Variants in IL10RB observed in about 807,000 individuals in gnomAD.
IL10RB encodes interleukin 10 receptor subunit beta.
In IL10RB, 30 loss-of-function variants were observed where a neutral mutation model predicts 38.7. The observed-to-expected ratio is 0.78, with a 90% CI of 0.58 to 1.05. The LOEUF is 1.05. Ranked by LOEUF, IL10RB falls within the 50% of genes least tolerant of loss-of-function variation. The probability of loss-of-function intolerance (pLI) is 0.00; values close to 1 mark genes in which losing one functional copy is unlikely to be tolerated. For synonymous variants in IL10RB, 142 were observed against 145.9 expected, an observed-to-expected ratio of 0.97 and a Z score of 0.19; for missense variants, 328 against 397.1, an observed-to-expected ratio of 0.83 and a Z score of 1.48.
intron 4 of IL10RB, among the ~76,000 whole-genome samples, chr21:33,282,325 G>T (rs1369155155): frequency 6.6e-6 from 1 of 152,064 alleles, no homozygotes; most frequent in Non-Finnish European, 1.5e-5. Context: ...CTGAGGTCAG[G>T]AGTTCAAGAC....
intron 2 of IL10RB, among the ~76,000 whole-genome samples, chr21:33,272,157 T>G (rs1989094121): frequency 6.6e-6 from 1 of 152,208 alleles, no homozygotes. Context: ...ATGATCTCTA[T>G]CTACTTTTTG....
chr21:33,275,216 C>T (rs531244091), intron 2 of IL10RB, among the ~76,000 whole-genome samples: 1 of 140,378 alleles, frequency 7.1e-6, no homozygotes, highest in Admixed American at 7.6e-5. Context: ...AATACAGTGA[C>T]ACAATCTCGG....
chr21:33,307,781 G>T (rs1219994984), intron 1 of IL10RB, among the ~76,000 whole-genome samples: 2 of 151,974 alleles, frequency 1.3e-5, no homozygotes, highest in Non-Finnish European at 2.9e-5. Flanking sequence ...TTTCTTCATA[G>T]TATGTAGCAT....
intron 1 of IL10RB, among the ~76,000 whole-genome samples, chr21:33,304,982 C>T (rs547277012): frequency 2.0e-5 from 3 of 152,290 alleles, no homozygotes; most frequent in African/African-American, 7.2e-5. Flanking sequence ...AGCCAATAAC[C>T]TCCACAGTTC....
At chr21:33,283,452 C>T (rs1226781259) in intron 5 of IL10RB, among the ~76,000 whole-genome samples, 1 of 152,198 alleles carries the variant, frequency 6.6e-6, no homozygotes, top group Non-Finnish European at 1.5e-5. Flanking sequence ...AAAGGAGTTG[C>T]TAGAAACCTT....
intron 1 of IL10RB, 63 bp downstream of exon 1, chr21:33,266,577 T>A: frequency 2.7e-6 from 4 of 1,484,218 alleles, no homozygotes; most frequent in Non-Finnish European, 3.6e-6. Context: ...ATGCCGCCCC[T>A]GATCCCATCC....
At chr21:33,283,410 C>T (rs1989315979) in intron 5 of IL10RB, among the ~76,000 whole-genome samples, 169 bp downstream of exon 5, 1 of 152,198 alleles carries the variant, frequency 6.6e-6, no homozygotes, top group African/African-American at 2.4e-5. Context: ...AGACCACACC[C>T]GCTTCTGAGG....
chr21:33,292,098 A>G (rs966586845), intron 6 of IL10RB, among the ~76,000 whole-genome samples: 1 of 151,398 alleles, frequency 6.6e-6, no homozygotes, highest in African/African-American at 2.4e-5. Flanking sequence ...CGCTCCAGCT[A>G]CTCCCTCAGG....
chr21:33,266,454 C>T lies in IL10RB; in HGVS notation c.-12C>T, dbSNP rs751359412. 8.5e-5 allele frequency: 131 copies of T among 1,541,312 alleles called. No homozygotes were observed. In the African/African-American group the frequency reaches 1.7e-3, roughly 19 times the overall value. On this transcript the variant is annotated 5_prime_UTR_variant, in exon 1 of 7. Transcript: ENST00000290200. The stretch of plus-strand genomic sequence containing the variant: ...TGCTTGGAGGAAGCCGCGGAACCCC[C>T]AGCGTCCGTCCATGGCGTGGAGCCT...
intron 5 of IL10RB, among the ~76,000 whole-genome samples, chr21:33,284,986 G>C (rs1418381731): frequency 6.6e-6 from 1 of 152,152 alleles, no homozygotes; most frequent in Non-Finnish European, 1.5e-5. Flanking sequence ...CGCCTCCTGG[G>C]TTCAAGCAAT....
At chr21:33,277,668 C>CTTTTTTTTTTTTTTTTTTT (rs1216043179) in intron 3 of IL10RB, among the ~76,000 whole-genome samples, 3 of 92,980 alleles carry the variant, frequency 3.2e-5, no homozygotes, top group African/African-American at 4.3e-5. Flanking sequence ...TTCTTTCTTT[C>CTTTTTTTTTTTTTTTTTTT]TTTTTTTTTT....
intron 3 of IL10RB, among the ~76,000 whole-genome samples, chr21:33,278,034 C>CA (rs1485238569): frequency 5.6e-4 from 28 of 50,160 alleles, no homozygotes; most frequent in South Asian, 1.9e-3. Context: ...CTACAAAAAA[C>CA]AAAAAAAATA....
downstream of IL10RB, among the ~76,000 whole-genome samples, chr21:33,300,587 G>A (rs1487317050): frequency 6.6e-6 from 1 of 152,124 alleles, no homozygotes; most frequent in Non-Finnish European, 1.5e-5. Context: ...CAAAGTGAAA[G>A]AAAACAGTTA....
intron 2 of IL10RB, 49 bp from the exon 3 acceptor site, chr21:33,276,547 A>C: frequency 6.6e-7 from 1 of 1,509,340 alleles, no homozygotes; most frequent in African/African-American, 1.4e-5. Context: ...AGCCTCAGGG[A>C]GACTGAAGCC....
At position 33,268,418 on chromosome 21, in the gene IL10RB, A is replaced by G; in HGVS notation, c.74A>G (p.Glu25Gly). 6.2e-7 allele frequency: 1 copy of G among 1,614,098 alleles called. No homozygotes were observed. Among genetic ancestry groups the G allele is most frequent in the Non-Finnish European group, 8.5e-7 (1 of 1,179,884 alleles). ...VSALGMVPPPENVRMNSVNFK... is the reference protein window; with the variant it reads ...VSALGMVPPPGNVRMNSVNFK... ...GCATTGGGAATGGTACCACCTCCCG[A>G]AAATGTCAGAATGAATTCTGTTAAT... Residue 25 changes from glutamate to glycine, a missense_variant, in exon 2 of 7, where the codon GAA (glutamate) becomes GGA (glycine). By Grantham distance (98) the Glu-to-Gly change is moderately conservative. Transcript: ENST00000290200.
intron 6 of IL10RB, among the ~76,000 whole-genome samples, chr21:33,292,145 T>G (rs1989501286): frequency 6.6e-6 from 1 of 152,114 alleles, no homozygotes; most frequent in Non-Finnish European, 1.5e-5. Context: ...TCCCTAACCT[T>G]CCAGTCTTCC....
chr21:33,271,269 C>T (rs1197931119), intron 2 of IL10RB, among the ~76,000 whole-genome samples: 1 of 152,192 alleles, frequency 6.6e-6, no homozygotes, highest in Non-Finnish European at 1.5e-5. Flanking sequence ...CACAAACTCT[C>T]TGTTGTTTGC....
rs2082971280 is a variant in IL10RB, at chr21:33,297,194, T to C, written c.*837T>C. The C allele has an allele frequency of 6.5e-6, 1 of 153,688 alleles. No homozygotes were observed. Among genetic ancestry groups the C allele is most frequent in the Admixed American group, 6.4e-5 (1 of 15,514 alleles). The allele number at this position is 153,688 out of a possible 1,614,324, so 9.5% of individuals were successfully genotyped here. ...TGTTTTATATGCTGCTGGTGCTCCATTAAAGTTTTACTCTGTGTTGCACTA... is the reference window on the plus strand; with the variant it reads ...TGTTTTATATGCTGCTGGTGCTCCACTAAAGTTTTACTCTGTGTTGCACTA... On this transcript the variant is annotated 3_prime_UTR_variant, in exon 7 of 7. Coordinates refer to ENST00000290200, the MANE Select transcript of IL10RB (RefSeq NM_000628.5).
At chr21:33,283,319 C>A in intron 5 of IL10RB, 78 bp downstream of exon 5, 2 of 1,406,806 alleles carry the variant, frequency 1.4e-6, no homozygotes, top group Non-Finnish European at 2.0e-6. Context: ...TTGCATCCAA[C>A]TCAAATTCCA....
Sources: allele counts gnomAD v4.1 joint callset (sites outside exome capture counted in the v4.1 genomes callset), GRCh38; gene constraint gnomAD v4.1.1; transcripts MANE v1.5; gene names NCBI Gene and HGNC (gene_info 2026-07-23, HGNC 2026-07-21).